TMTC2: variants seen among roughly 807,000 people sequenced by gnomAD.
TMTC2 encodes protein O-mannosyl-transferase TMTC2.
TMTC2 carries 43 observed loss-of-function variants against 82.4 expected under a neutral mutation model. The observed-to-expected ratio is 0.52, with a 90% confidence interval of 0.41 to 0.67. The LOEUF (loss-of-function observed/expected upper bound fraction) is 0.67, where lower values mean the gene tolerates loss of function less well. Among genes scored for constraint, TMTC2 ranks in the 30% least tolerant of loss-of-function variants. The pLI, the probability that TMTC2 is intolerant of heterozygous loss-of-function variation, is 0.00. For synonymous variants in TMTC2, 408 were observed against 381.9 expected, an observed-to-expected ratio of 1.07 and a Z score of -0.80; for missense variants, 919 against 1,012.4, an observed-to-expected ratio of 0.91 and a Z score of 1.25.
intron 11 of TMTC2, among the ~76,000 whole-genome samples, chr12:83,116,812 T>C (rs563875221): frequency 3.2e-4 from 46 of 141,904 alleles, no homozygotes; most frequent in African/African-American, 1.1e-3. Flanking sequence ...TTTGAGTTCA[T>C]TGTAGAGTCT....
intron 8 of TMTC2, among the ~76,000 whole-genome samples, chr12:83,011,624 C>T (rs1880462644): frequency 6.6e-6 from 1 of 152,194 alleles, no homozygotes; most frequent in Admixed American, 6.5e-5. Context: ...TAAGTATGTT[C>T]CATTCACTCA....
intron 3 of TMTC2, 99 bp from the exon 4 acceptor site, chr12:82,930,332 A>G (rs149138959): frequency 6.4e-6 from 4 of 620,482 alleles, no homozygotes; most frequent in East Asian, 5.2e-5. Context: ...ATGTTTTATG[A>G]TGGTTTTCTC....
Position 83,110,096 on chromosome 12 carries a change from A to G in TMTC2, c.2332-22114A>G, listed in dbSNP as rs1030930898. On this transcript the variant is annotated intron_variant, in intron 11 of 11. Transcript: ENST00000321196. ...CTTGCTTTTCTGTCACTGAGGATATAGAAGTAATCACAGAGAACTTCCACT... is the reference window on the plus strand; with the variant it reads ...CTTGCTTTTCTGTCACTGAGGATATGGAAGTAATCACAGAGAACTTCCACT... 2.6e-5 allele frequency among the ~76,000 whole-genome samples: 4 copies of G among 152,342 alleles called. No homozygotes were observed. In the South Asian group the frequency reaches 6.2e-4, roughly 24 times the overall value.
At chr12:82,891,567 G>A (rs1471298754) in intron 2 of TMTC2, among the ~76,000 whole-genome samples, 3 of 152,016 alleles carry the variant, frequency 2.0e-5, no homozygotes, top group African/African-American at 4.8e-5. Flanking sequence ...CTCAGCCTCC[G>A]AAATTGCTGG....
chr12:82,783,290 CTGTGTGTG>C (rs72110651), intron 1 of TMTC2, among the ~76,000 whole-genome samples: 2 of 119,368 alleles, frequency 1.7e-5, no homozygotes, highest in African/African-American at 6.4e-5. Context: ...GTATATGCCT[CTGTGTGTG>C]TGTGTGTGTG....
intron 4 of TMTC2, among the ~76,000 whole-genome samples, chr12:82,937,221 G>A (rs747923238): frequency 3.3e-5 from 5 of 152,126 alleles, no homozygotes; most frequent in African/African-American, 4.8e-5. Context: ...CTAGAAATTC[G>A]AAGTCAAGGT....
At chr12:82,843,586 T>G (rs1296469041) in intron 1 of TMTC2, among the ~76,000 whole-genome samples, 3 of 152,202 alleles carry the variant, frequency 2.0e-5, no homozygotes, top group Non-Finnish European at 4.4e-5. Context: ...GGGTAAGGAT[T>G]ATTGCAAACA....
chr12:82,752,562 C>A (rs767840494), intron 1 of TMTC2, among the ~76,000 whole-genome samples: 5 of 152,050 alleles, frequency 3.3e-5, no homozygotes, highest in Non-Finnish European at 5.9e-5. Flanking sequence ...TGTTTATAGT[C>A]TTGGGAGCAT....
intron 3 of TMTC2, among the ~76,000 whole-genome samples, chr12:82,900,888 C>T (rs9668543): frequency 0.059 from 4,722 of 79,594 alleles, 413 homozygotes; most frequent in African/African-American, 0.21. Flanking sequence ...AATATATATA[C>T]CTGGAATATA....
intron 8 of TMTC2, among the ~76,000 whole-genome samples, chr12:83,011,232 T>A (rs959741799): frequency 1.6e-4 from 24 of 152,192 alleles, no homozygotes; most frequent in East Asian, 1.9e-4. Flanking sequence ...ACTCCATCAT[T>A]TTAGGGTGGC....
At chr12:82,952,183 G>T (rs1351328531) in intron 4 of TMTC2, among the ~76,000 whole-genome samples, 1 of 151,706 alleles carries the variant, frequency 6.6e-6, no homozygotes, top group Admixed American at 6.6e-5. Flanking sequence ...CTAGTATTTG[G>T]ATATGAAAAG....
At chr12:82,765,702 CA>C (rs201440817) in intron 1 of TMTC2, among the ~76,000 whole-genome samples, 73 of 138,722 alleles carry the variant, frequency 5.3e-4, no homozygotes, top group Non-Finnish European at 9.0e-4. Flanking sequence ...CAAAACAAAA[CA>C]AACAAACAAA....
chr12:82,888,596 A>T (rs958243558), intron 2 of TMTC2, among the ~76,000 whole-genome samples: 1 of 152,218 alleles, frequency 6.6e-6, no homozygotes, highest in Non-Finnish European at 1.5e-5. Flanking sequence ...CTGTTGACTT[A>T]TGAGCCTTTG....
chr12:82,915,729 T>C (rs764299809), intron 3 of TMTC2, among the ~76,000 whole-genome samples: 5 of 152,234 alleles, frequency 3.3e-5, no homozygotes, highest in African/African-American at 4.8e-5. Context: ...TTCTTCATCT[T>C]TTATACCTGA....
At chr12:82,718,077 T>C (rs1873982839) in intron 1 of TMTC2, among the ~76,000 whole-genome samples, 1 of 152,176 alleles carries the variant, frequency 6.6e-6, no homozygotes, top group African/African-American at 2.4e-5. Context: ...ACTAAGCTTA[T>C]GGGAGTTATT....
At chr12:82,918,241 C>T (rs1358140498) in intron 3 of TMTC2, among the ~76,000 whole-genome samples, 2 of 152,128 alleles carry the variant, frequency 1.3e-5, no homozygotes, top group African/African-American at 4.8e-5. Flanking sequence ...AAAAACAATT[C>T]TTAGTAGATA....
chr12:83,083,309 A>T (rs1465532252), intron 11 of TMTC2, among the ~76,000 whole-genome samples: 1 of 152,178 alleles, frequency 6.6e-6, no homozygotes, highest in Non-Finnish European at 1.5e-5. Context: ...TAGGGCATTT[A>T]TACTTGCTTT....
intron 3 of TMTC2, among the ~76,000 whole-genome samples, chr12:82,924,431 C>T (rs1443786807): frequency 6.6e-6 from 1 of 152,046 alleles, no homozygotes. Flanking sequence ...ATGAGGTGGT[C>T]TTTATTTGTT....
At chr12:82,885,064 T>C (rs1565792617) in intron 2 of TMTC2, among the ~76,000 whole-genome samples, 2 of 146,766 alleles carry the variant, frequency 1.4e-5, no homozygotes, top group Non-Finnish European at 2.9e-5. Flanking sequence ...TGGCTGATTT[T>C]TGTACTTTTT....
Sources: allele counts gnomAD v4.1 joint callset (sites outside exome capture counted in the v4.1 genomes callset), GRCh38; gene constraint gnomAD v4.1.1; transcripts MANE v1.5; gene names NCBI Gene and HGNC (gene_info 2026-07-23, HGNC 2026-07-21).